The following POC1B variants were observed in gnomAD, a reference collection of about 807,000 sequenced individuals.
POC1B encodes the protein POC1 centriolar protein B, also known as POC1 centriolar protein homolog B.
In POC1B, 44 loss-of-function variants were observed where a neutral mutation model predicts 60.6. The observed-to-expected ratio is 0.73, with a 90% CI of 0.57 to 0.93. POC1B has a LOEUF of 0.93. POC1B is among the 40% of genes least tolerant of loss of function. POC1B has a pLI of 0.00. For synonymous variants in POC1B, 180 were observed against 198.9 expected, an observed-to-expected ratio of 0.90 and a Z score of 0.80; for missense variants, 555 against 572.3, an observed-to-expected ratio of 0.97 and a Z score of 0.31.
At chr12:89,518,999 G>A (rs954980642) in intron 2 of POC1B, among the ~76,000 whole-genome samples, 1 of 152,156 alleles carries the variant, frequency 6.6e-6, no homozygotes, top group South Asian at 2.1e-4. Flanking sequence ...AATCACTAAA[G>A]AGGAAGAGAC....
downstream of POC1B, among the ~76,000 whole-genome samples, chr12:89,415,205 T>C (rs1012728807): frequency 6.6e-6 from 1 of 152,248 alleles, no homozygotes; most frequent in Non-Finnish European, 1.5e-5. Context: ...TTTGTTAAAT[T>C]TTTAAAAATG....
At chr12:89,470,522 G>A in intron 6 of POC1B, 28 bp from the exon 7 acceptor site, 2 of 1,533,252 alleles carry the variant, frequency 1.3e-6, no homozygotes, top group South Asian at 1.2e-5. Context: ...AAAGCAAAAA[G>A]TTCAGAGAAC....
intron 3 of POC1B, among the ~76,000 whole-genome samples, chr12:89,495,429 G>A (rs765191269): frequency 1.8e-4 from 28 of 152,106 alleles, no homozygotes; most frequent in Non-Finnish European, 3.5e-4. Context: ...ACTACCATTG[G>A]AATATATTCA....
At chr12:89,411,633 CGTGA>C in the POC1B span, among the ~76,000 whole-genome samples, 2 of 145,312 alleles carry the variant, frequency 1.4e-5, no homozygotes, top group African/African-American at 5.0e-5. Context: ...TAGATGTTCT[CGTGA>C]GTAAGAACTG....
chr12:89,440,570 C>T (rs1881468282), intron 10 of POC1B, among the ~76,000 whole-genome samples: 1 of 152,172 alleles, frequency 6.6e-6, no homozygotes, highest in African/African-American at 2.4e-5. Context: ...TTCATTTCTC[C>T]TTACACTTAG....
At chr12:89,498,957 G>T (rs772959607) in intron 2 of POC1B, among the ~76,000 whole-genome samples, 1 of 152,198 alleles carries the variant, frequency 6.6e-6, no homozygotes, top group African/African-American at 2.4e-5. Flanking sequence ...TGGGGTGATT[G>T]GGTGGTCCAC....
intron 10 of POC1B, among the ~76,000 whole-genome samples, chr12:89,441,878 A>G (rs1413558543): frequency 6.6e-6 from 1 of 152,232 alleles, no homozygotes; most frequent in African/African-American, 2.4e-5. Context: ...ACCTTGAAAA[A>G]AGATTAGACG....
In POC1B at chr12:89,480,095, G is replaced by A. The variant is rs958847338; in HGVS notation, c.453-7820C>T. ...ATTATCACCATATTTTAATTACTAT[G>A]GTTTTATATTATGTTTTGAAAACTG... is the stretch of plus-strand genomic sequence containing the variant. On this transcript the variant is annotated intron_variant, in intron 4 of 11. Coordinates refer to ENST00000313546, the MANE Select transcript of POC1B (RefSeq NM_172240.3). Among the ~76,000 whole-genome samples the A allele has an allele frequency of 2.7e-5, 4 of 150,600 alleles. No individual in the cohort carries two copies. In the East Asian group the frequency reaches 5.8e-4, roughly 22 times the overall value.
intron 7 of POC1B, among the ~76,000 whole-genome samples, chr12:89,469,552 G>C (rs930457322): frequency 3.9e-5 from 6 of 152,220 alleles, no homozygotes; most frequent in Admixed American, 3.3e-4. Context: ...GAATATCAGA[G>C]AAAAACAGTG....
In POC1B at chr12:89,459,627, A is replaced by G. The variant is rs766796808; in HGVS notation, c.1113+11T>C. ...TTAAGTGTCAAAAAAAAAAAAAAAA[A>G]CCCGACTTACTGTGGTAGAATCAAA... is the stretch of plus-strand genomic sequence containing the variant. On this transcript the variant is annotated intron_variant, in intron 10 of 11. Coordinates refer to ENST00000313546, the MANE Select transcript of POC1B (RefSeq NM_172240.3). 3 of 1,384,912 alleles carry G rather than the reference A, an allele frequency of 2.2e-6. No homozygotes were observed. The highest frequency in any genetic ancestry group is 2.9e-6 in the Non-Finnish European group (3 of 1,026,528). 85.8% of individuals were successfully genotyped at this position (1,384,912 alleles called of 1,614,324 possible).
intron 4 of POC1B, among the ~76,000 whole-genome samples, chr12:89,473,455 G>A (rs547230017): frequency 4.3e-4 from 66 of 152,260 alleles, no homozygotes; most frequent in African/African-American, 1.4e-3. Context: ...CGGATCACCT[G>A]AGGTCAGGAG....
rs938718372 is a variant in POC1B at position 89,502,408 on chromosome 12, G to A, written c.101-5066C>T. On this transcript the variant is annotated intron_variant, in intron 2 of 11. Transcript: ENST00000313546. ...TCAAGGAAGGCCATCAGGAGGATTC[G>A]TGATTAGTGGAATACTATCTCCAGG... is the stretch of plus-strand genomic sequence containing the variant. 4.0e-5 allele frequency: 59 copies of A among 1,477,414 alleles called. No homozygotes were observed. In the Middle Eastern group the frequency reaches 6.9e-4, roughly 17 times the overall value. 91.5% of individuals were successfully genotyped at this position (1,477,414 alleles called of 1,614,324 possible).
At chr12:89,475,191 G>A (rs547871324) in intron 4 of POC1B, among the ~76,000 whole-genome samples, 7 of 152,310 alleles carry the variant, frequency 4.6e-5, no homozygotes, top group South Asian at 2.1e-4. Context: ...GGATTTTAAA[G>A]AAACTTGCAA....
At chr12:89,480,065 G>A (rs576571037) in intron 4 of POC1B, among the ~76,000 whole-genome samples, 2 of 151,470 alleles carry the variant, frequency 1.3e-5, no homozygotes, top group East Asian at 3.9e-4. Context: ...TCTTAATCCT[G>A]TACCATTATC....
At chr12:89,502,671 G>A (rs1416826882) in intron 2 of POC1B, 3 of 1,335,330 alleles carry the variant, frequency 2.2e-6, no homozygotes, top group Admixed American at 1.8e-5. Flanking sequence ...GTTAAGCATG[G>A]TGAGTTGAAG....
the POC1B span, among the ~76,000 whole-genome samples, chr12:89,414,341 T>C: frequency 1.3e-5 from 2 of 152,258 alleles, no homozygotes; most frequent in African/African-American, 4.8e-5. Flanking sequence ...CGTTTGAGAT[T>C]TGACTCCGAA....
At chr12:89,518,545 T>C (rs565354174) in intron 2 of POC1B, among the ~76,000 whole-genome samples, 1 of 146,224 alleles carries the variant, frequency 6.8e-6, no homozygotes, top group South Asian at 2.2e-4. Flanking sequence ...CCATAACATT[T>C]AGTCTTTTAA....
chr12:89,435,662 GCAAAGATA>G (rs1565895690), intron 10 of POC1B, among the ~76,000 whole-genome samples: 2 of 152,014 alleles, frequency 1.3e-5, no homozygotes, highest in Non-Finnish European at 2.9e-5. Flanking sequence ...AACTCAGAAA[GCAAAGATA>G]ATAAAAACAA....
intron 4 of POC1B, among the ~76,000 whole-genome samples, chr12:89,487,183 T>G (rs1868679991): frequency 6.6e-6 from 1 of 152,066 alleles, no homozygotes; most frequent in South Asian, 2.1e-4. Flanking sequence ...CAGGAGGGGA[T>G]GCTATGTTTC....
Sources: gnomAD v4.1 joint callset for allele counts (sites outside exome capture counted in the v4.1 genomes callset) on GRCh38, gnomAD v4.1.1 for gene constraint, MANE v1.5 for transcripts, NCBI Gene and HGNC (gene_info 2026-07-23, HGNC 2026-07-21) for gene names.